BTNL9: variants seen among roughly 807,000 people sequenced by gnomAD.
The protein encoded by BTNL9 is butyrophilin-like protein 9.
In BTNL9, 45 loss-of-function variants were observed where a neutral mutation model predicts 45.8. That is an observed-to-expected ratio of 0.98 (90% CI 0.77 to 1.26). The LOEUF (loss-of-function observed/expected upper bound fraction) is 1.26. Among genes scored for constraint, BTNL9 ranks in the 50% most tolerant of loss-of-function variants. The probability of loss-of-function intolerance (pLI) is 0.00; values close to 1 mark genes in which losing one functional copy is unlikely to be tolerated. For missense variants in BTNL9, 784 were observed against 729.7 expected (o/e 1.07, Z -0.86); for synonymous variants, 346 against 330.8 (o/e 1.05, Z -0.50).
rs1184812162 is a variant in BTNL9 at position 181,055,884 on chromosome 5, G to C, written c.929-105G>C. The C allele has an allele frequency of 2.3e-6, 3 of 1,331,414 alleles. No individual in the cohort carries two copies. Among genetic ancestry groups the C allele is most frequent in the South Asian group, 2.3e-5 (2 of 85,334 alleles). The allele number at this position is 1,331,414 out of a possible 1,614,324, so 82.5% of individuals were successfully genotyped here. On this transcript the variant is annotated intron_variant, in intron 8 of 10. Transcript: ENST00000327705. The surrounding 1 kb of genome is among the most constrained non-coding windows in gnomAD (Gnocchi z 4.4). Reference sequence around the variant, plus strand: ...CAGGCAGGACCCCTGCTGGCTATGTGGGTGGTGGGGGGTGCGGGACAGGGT... The same window carrying C: ...CAGGCAGGACCCCTGCTGGCTATGTCGGTGGTGGGGGGTGCGGGACAGGGT...
chr5:181,046,861 T>C (rs1174318173), intron 2 of BTNL9, among the ~76,000 whole-genome samples: 1 of 151,900 alleles, frequency 6.6e-6, no homozygotes, highest in Non-Finnish European at 1.5e-5. Flanking sequence ...AGTTGACAGG[T>C]AGGGGATTAG....
In BTNL9 at chr5:181,050,018, A is replaced by T; in HGVS notation, c.455-70A>T. 6.5e-7 allele frequency: 1 copy of T among 1,533,508 alleles called. No homozygotes were observed. Among genetic ancestry groups the T allele is most frequent in the Non-Finnish European group, 8.8e-7 (1 of 1,132,028 alleles). The allele number at this position is 1,533,508 out of a possible 1,614,324, so 95.0% of individuals were successfully genotyped here. On this transcript the variant is annotated intron_variant, in intron 3 of 10. Coordinates refer to ENST00000327705, the MANE Select transcript of BTNL9 (RefSeq NM_152547.5). The surrounding 1 kb of genome is among the most constrained non-coding windows in gnomAD (Gnocchi z 4.9). ...TTTATGGTGACTGCAAATGCTGAAC[A>T]GTGGCAGGAATGTTATGCGTGATTT...
intron 2 of BTNL9, chr5:181,047,607 A>G: frequency 1.3e-6 from 1 of 743,444 alleles, no homozygotes; most frequent in Non-Finnish European, 1.7e-6. Flanking sequence ...TTTTGATCAA[A>G]GATTCCATTT....
rs935868964 is a variant in BTNL9 at position 181,052,073 on chromosome 5, C to T, written c.737-1127C>T. ...GAGACAGTCCGCCCTGAGCCCTTGC[C>T]CTTGACCCCAGGCCATTGCTTCAGA... is the stretch of plus-strand genomic sequence containing the variant. On this transcript the variant is annotated intron_variant, in intron 4 of 10. Transcript: ENST00000327705. Among the ~76,000 whole-genome samples, 9 of 152,064 alleles carry T rather than the reference C, an allele frequency of 5.9e-5. No individual in the cohort carries two copies. The South Asian group carries it at 1.7e-3, about 28-fold the overall frequency.
chr5:181,054,889 G>A (rs969009770), intron 7 of BTNL9: 2 of 985,358 alleles, frequency 2.0e-6, no homozygotes, highest in Non-Finnish European at 2.4e-6. Context: ...TAACACTATA[G>A]CATGAATGCC....
chr5:181,044,191 C>T (rs1043106092), intron 1 of BTNL9, among the ~76,000 whole-genome samples: 1 of 152,218 alleles, frequency 6.6e-6, no homozygotes, highest in Non-Finnish European at 1.5e-5. Flanking sequence ...TTAACTCACC[C>T]TGCACACCTC....
At position 181,045,589 on chromosome 5, in the gene BTNL9, C is replaced by A. The variant is rs1319310230; in HGVS notation, c.100C>A (p.Pro34Thr). The change falls in exon 2 of 11, where the codon CCG becomes ACG. Residue 34 changes from proline to threonine, a missense_variant. Physicochemically the swap from Pro to Thr is conservative, Grantham distance 38 (BLOSUM62 -1). Coordinates refer to ENST00000327705, the MANE Select transcript of BTNL9 (RefSeq NM_152547.5). ...CCTCCTCCTCCTTCAGCCTGGGGAGCCGAGCTCAGGTATTGTGTCTGCAGC... is the reference window on the plus strand; with the variant it reads ...CCTCCTCCTCCTTCAGCCTGGGGAGACGAGCTCAGGTATTGTGTCTGCAGC... ...MHLLLLQPGE[P>T]SSEVKVLGPE... 3.1e-6 allele frequency: 5 copies of A among 1,610,962 alleles called. No individual in the cohort carries two copies. The highest frequency in any genetic ancestry group is 1.3e-5 in the African/African-American group (1 of 74,724).
rs774154303 is a variant in BTNL9, at chr5:181,045,581, C to T, written c.92C>T (p.Pro31Leu). Reference protein sequence around the residue: ...VFLMHLLLLQPGEPSSEVKVL... With the variant: ...VFLMHLLLLQLGEPSSEVKVL... ...CTCATGCACCTCCTCCTCCTTCAGCCTGGGGAGCCGAGCTCAGGTATTGTG... is the reference window on the plus strand; with the variant it reads ...CTCATGCACCTCCTCCTCCTTCAGCTTGGGGAGCCGAGCTCAGGTATTGTG... Residue 31 changes from proline to leucine, a missense_variant, in exon 2 of 11, where the codon CCT becomes CTT. Pro to Leu is a moderately conservative substitution (Grantham distance 98, BLOSUM62 -3). Transcript: ENST00000327705. 5.6e-6 allele frequency: 9 copies of T among 1,612,232 alleles called. No homozygotes were observed. In the Admixed American group the frequency reaches 1.5e-4, roughly 27 times the overall value.
intron 2 of BTNL9, among the ~76,000 whole-genome samples, chr5:181,046,357 C>T (rs1020194324): frequency 2.6e-5 from 4 of 152,058 alleles, no homozygotes; most frequent in Non-Finnish European, 5.9e-5. Context: ...TGCACACTTC[C>T]CAGCACTCCG....
At position 181,055,563 on chromosome 5, in the gene BTNL9, A is replaced by T; in HGVS notation, c.928+110A>T. On this transcript the variant is annotated intron_variant, in intron 8 of 10. Coordinates refer to ENST00000327705, the MANE Select transcript of BTNL9 (RefSeq NM_152547.5). The surrounding 1 kb of genome is among the most constrained non-coding windows in gnomAD (Gnocchi z 4.4). ...GGCGGGTGGATCACGAGGTCAGGAG[A>T]TCGAGACCAGCCTGGCTAACACAGT... 1 of 1,250,530 alleles carries T rather than the reference A, an allele frequency of 8.0e-7. No individual in the cohort carries two copies. Among genetic ancestry groups the T allele is most frequent in the South Asian group, 1.2e-5 (1 of 83,544 alleles). 77.5% of individuals were successfully genotyped at this position (1,250,530 alleles called of 1,614,324 possible).
chr5:181,059,891 C>T lies in BTNL9; in HGVS notation c.*29C>T. On this transcript the variant is annotated 3_prime_UTR_variant, in exon 11 of 11. Coordinates refer to ENST00000327705, the MANE Select transcript of BTNL9 (RefSeq NM_152547.5). ...GCCCTCGTGGCCGCGGGACTGGCCC[C>T]GGGGGGCCCCCTGGATCCCAGGCCA... The T allele has an allele frequency of 1.4e-6, 2 of 1,476,780 alleles. No homozygotes were observed. The highest frequency in any genetic ancestry group is 1.3e-5 in the South Asian group (1 of 75,696). 91.5% of individuals were successfully genotyped at this position (1,476,780 alleles called of 1,614,324 possible). A position where few individuals can be genotyped will look rare whatever the true frequency, so the allele number is the denominator to read the frequency against.
rs369373304 is a variant in BTNL9 at position 181,044,218 on chromosome 5, T to C, written c.-23-1249T>C. On this transcript the variant is annotated intron_variant, in intron 1 of 10. Coordinates refer to ENST00000327705, the MANE Select transcript of BTNL9 (RefSeq NM_152547.5). ...GCACACCTCCTCTGATCCTTCTGCCTCTGCATGGCCCAGCAGCTTTGAAAG... is the reference window on the plus strand; with the variant it reads ...GCACACCTCCTCTGATCCTTCTGCCCCTGCATGGCCCAGCAGCTTTGAAAG... Among the ~76,000 whole-genome samples, 8 of 152,306 alleles carry C rather than the reference T, an allele frequency of 5.3e-5. No homozygotes were observed. In the South Asian group the frequency reaches 1.2e-3, roughly 24 times the overall value.
rs771585402 is a variant in BTNL9, at chr5:181,059,351, G to C, written c.1097G>C (p.Arg366Pro). 32 of 1,542,690 alleles carry C rather than the reference G, an allele frequency of 2.1e-5. 1 individual carries two copies. The highest frequency in any genetic ancestry group is 1.7e-4 in the South Asian group (14 of 84,042). ...PPGPAPGHPQ[R>P]FSEQTCALSL... is the part of the protein sequence containing the mutation. ...GGCCCGGCGCCTGGCCACCCGCAGC[G>C]GTTCTCGGAGCAGACGTGCGCGCTG... The change falls in exon 11 of 11, where the codon CGG becomes CCG. Residue 366 changes from arginine to proline, a missense_variant. By Grantham distance (103) the Arg-to-Pro change is moderately radical. Transcript: ENST00000327705.
Position 181,053,352 on chromosome 5 carries a change from G to A in BTNL9, c.853+36G>A. On this transcript the variant is annotated intron_variant, in intron 5 of 10. Coordinates refer to ENST00000327705, the MANE Select transcript of BTNL9 (RefSeq NM_152547.5). This position sits in a 1 kb window ranked among gnomAD's most constrained non-coding sequence, Gnocchi z 6.5. ...GGGCGGCGGGGCGGGGAGGGGCACC[G>A]GCCGGTGCTGAACCCCGGGGCCGCG... 1.3e-6 allele frequency: 2 copies of A among 1,513,368 alleles called. No homozygotes were observed. The highest frequency in any genetic ancestry group is 1.8e-6 in the Non-Finnish European group (2 of 1,130,550). The allele number at this position is 1,513,368 out of a possible 1,614,324, so 93.7% of individuals were successfully genotyped here.
chr5:181,051,078 C>CAAAAAAAAAA (rs1399289272), intron 4 of BTNL9, among the ~76,000 whole-genome samples: 5 of 44,682 alleles, frequency 1.1e-4, no homozygotes, highest in African/African-American at 3.4e-4. Flanking sequence ...GAATCCGTCT[C>CAAAAAAAAAA]AAAAAAAAAA....
chr5:181,055,767 T>C lies in BTNL9; in HGVS notation c.929-222T>C. ...CTGGGCGACAGAGCGAGACTCTGTC[T>C]CAAAAAAAAAAAGAACTATTTCTCC... On this transcript the variant is annotated intron_variant, in intron 8 of 10. Coordinates refer to ENST00000327705, the MANE Select transcript of BTNL9 (RefSeq NM_152547.5). The surrounding 1 kb of genome is among the most constrained non-coding windows in gnomAD (Gnocchi z 4.4). 2 of 708,542 alleles carry C rather than the reference T, an allele frequency of 2.8e-6. No individual in the cohort carries two copies. The highest frequency in any genetic ancestry group is 2.0e-5 in the Admixed American group (1 of 49,718). The allele number at this position is 708,542 out of a possible 1,614,324, so 43.9% of individuals were successfully genotyped here. A position where few individuals can be genotyped will look rare whatever the true frequency, so the allele number is the denominator to read the frequency against.
intron 4 of BTNL9, among the ~76,000 whole-genome samples, chr5:181,051,711 G>C (rs1445820570): frequency 6.6e-6 from 1 of 151,882 alleles, no homozygotes; most frequent in African/African-American, 2.4e-5. Flanking sequence ...AGAAAGAACT[G>C]ATATATTTTC....
At chr5:181,058,897 G>A (rs1762015652) in intron 10 of BTNL9, among the ~76,000 whole-genome samples, 1 of 151,768 alleles carries the variant, frequency 6.6e-6, no homozygotes, top group Admixed American at 6.6e-5. Flanking sequence ...GCAGGGTGGT[G>A]CCACCAGCAG....
At position 181,050,867 on chromosome 5, in the gene BTNL9, T is replaced by C. The variant is rs1284726681; in HGVS notation, c.736+498T>C. 6.6e-6 allele frequency among the ~76,000 whole-genome samples: 1 copy of C among 151,544 alleles called. No individual in the cohort carries two copies. Among genetic ancestry groups the C allele is most frequent in the Non-Finnish European group, 1.5e-5 (1 of 67,900 alleles). ...ACTTTGGGAGGCCAAGGCGGGTGGA[T>C]CATGAGGTCAGGAGTTCAAGACCAG... On this transcript the variant is annotated intron_variant, in intron 4 of 10. Transcript: ENST00000327705. The surrounding 1 kb of genome is among the most constrained non-coding windows in gnomAD (Gnocchi z 4.9).
Sources: allele counts gnomAD v4.1 joint callset (sites outside exome capture counted in the v4.1 genomes callset), GRCh38; gene constraint gnomAD v4.1.1; non-coding constraint Gnocchi (gnomAD v3.1); transcripts MANE v1.5; gene names NCBI Gene and HGNC (gene_info 2026-07-23, HGNC 2026-07-21).